Variants in SPAG16 observed in about 807,000 individuals in gnomAD.
The protein encoded by SPAG16 is sperm associated antigen 16, also known as sperm-associated antigen 16 protein.
Under a neutral mutation model 80.4 loss-of-function variants are expected in SPAG16, and 86 were observed. The observed-to-expected ratio is 1.07, with a 90% CI of 0.90 to 1.28. The LOEUF (loss-of-function observed/expected upper bound fraction) is 1.28. Ranked by LOEUF, SPAG16 falls within the 50% of genes most tolerant of loss-of-function variation. The pLI, the probability that SPAG16 is intolerant of heterozygous loss-of-function variation, is 0.00. For synonymous variants in SPAG16, 294 were observed against 265.9 expected, an observed-to-expected ratio of 1.11 and a Z score of -1.03; for missense variants, 870 against 765.3, an observed-to-expected ratio of 1.14 and a Z score of -1.61.
chr2:214,275,715 A>G (rs1374793036), intron 15 of SPAG16, among the ~76,000 whole-genome samples: 5 of 152,158 alleles, frequency 3.3e-5, no homozygotes, highest in South Asian at 2.1e-4. Flanking sequence ...ACTTCCAACT[A>G]TGTGGTCAGT....
chr2:214,351,055 G>C (rs975644535), intron 15 of SPAG16, among the ~76,000 whole-genome samples: 6 of 152,140 alleles, frequency 3.9e-5, no homozygotes, highest in Non-Finnish European at 5.9e-5. Flanking sequence ...AATTGGATCA[G>C]AGTGGAGATT....
chr2:214,101,276 A>T (rs1291949919), intron 13 of SPAG16, among the ~76,000 whole-genome samples: 1 of 151,960 alleles, frequency 6.6e-6, no homozygotes, highest in East Asian at 1.9e-4. Context: ...TGTTATGGTA[A>T]AAAACAACCT....
In SPAG16 at chr2:213,981,703, G is replaced by A. The variant is rs376848605; in HGVS notation, c.1401-32248G>A. Among the ~76,000 whole-genome samples, 10 of 151,950 alleles carry A rather than the reference G, an allele frequency of 6.6e-5. No homozygotes were observed. In the East Asian group the frequency reaches 9.7e-4, roughly 15 times the overall value. On this transcript the variant is annotated intron_variant, in intron 12 of 15. Coordinates refer to ENST00000331683, the MANE Select transcript of SPAG16 (RefSeq NM_024532.5). ...TTGGTTTTATATTAATGTGAAGAGC[G>A]CAACAAACCCATTATATATAATAGA...
intron 10 of SPAG16, among the ~76,000 whole-genome samples, chr2:213,680,843 T>C (rs1413490431): frequency 6.6e-6 from 1 of 152,130 alleles, no homozygotes; most frequent in Non-Finnish European, 1.5e-5. Context: ...AAGAAATACA[T>C]TGGTTTGGTT....
At chr2:213,348,288 G>T (rs530296992) in intron 6 of SPAG16, among the ~76,000 whole-genome samples, 4 of 152,172 alleles carry the variant, frequency 2.6e-5, no homozygotes, top group East Asian at 1.9e-4. Flanking sequence ...TGTGAGATGG[G>T]TTTCCTGAAT....
intron 12 of SPAG16, among the ~76,000 whole-genome samples, chr2:213,967,040 C>T (rs2044743552): frequency 6.6e-6 from 1 of 152,206 alleles, no homozygotes; most frequent in Non-Finnish European, 1.5e-5. Flanking sequence ...CAGACTGTAT[C>T]AACTTTTGAA....
At position 214,372,361 on chromosome 2, in the gene SPAG16, C is replaced by T. The variant is rs565828909; in HGVS notation, c.1721-37779C>T. Among the ~76,000 whole-genome samples, 5 of 152,276 alleles carry T rather than the reference C, an allele frequency of 3.3e-5. No homozygotes were observed. The East Asian group carries it at 5.8e-4, about 18-fold the overall frequency. On this transcript the variant is annotated intron_variant, in intron 15 of 15. Transcript: ENST00000331683. ...TCATGCCAGTGTAAGAAACAAGTCTCTATCATTTAAGCTGCAAATTTAAAC... is the reference window on the plus strand; with the variant it reads ...TCATGCCAGTGTAAGAAACAAGTCTTTATCATTTAAGCTGCAAATTTAAAC...
intron 9 of SPAG16, among the ~76,000 whole-genome samples, chr2:213,399,601 G>T (rs1002220444): frequency 6.6e-6 from 1 of 151,812 alleles, no homozygotes; most frequent in Non-Finnish European, 1.5e-5. Context: ...TCTAGTTTAT[G>T]AATAAAATTG....
chr2:213,302,721 G>T (rs949463678), intron 3 of SPAG16: 5 of 151,732 alleles, frequency 3.3e-5, no homozygotes, highest in East Asian at 1.9e-4. Flanking sequence ...ACATTTTATT[G>T]TACAGTATAA....
intron 10 of SPAG16, among the ~76,000 whole-genome samples, chr2:213,504,207 A>G (rs1355912339): frequency 6.6e-6 from 1 of 152,220 alleles, no homozygotes; most frequent in Non-Finnish European, 1.5e-5. Flanking sequence ...TTTCTTAAGC[A>G]AGAACATAAT....
chr2:213,566,407 T>C (rs775568244), intron 10 of SPAG16, among the ~76,000 whole-genome samples: 1 of 152,180 alleles, frequency 6.6e-6, no homozygotes, highest in Non-Finnish European at 1.5e-5. Context: ...GGTCAATTTG[T>C]TTCTCTCACC....
chr2:213,787,061 T>G lies in SPAG16; in HGVS notation c.1071-75424T>G, dbSNP rs140398502. Among the ~76,000 whole-genome samples, 998 of 152,200 alleles carry G rather than the reference T, an allele frequency of 6.6e-3. 3 individuals carry two copies. Among genetic ancestry groups the G allele is most frequent in the Middle Eastern group, 0.01 (3 of 294 alleles). On this transcript the variant is annotated intron_variant, in intron 10 of 15. Transcript: ENST00000331683. Reference sequence around the variant, plus strand: ...TCAATATTAAGTTTAATGTCTCATATCCAAGTCGAGTACTAGTAGTTAAAT... The same window carrying G: ...TCAATATTAAGTTTAATGTCTCATAGCCAAGTCGAGTACTAGTAGTTAAAT...
At chr2:213,720,731 C>T (rs1029929914) in intron 10 of SPAG16, among the ~76,000 whole-genome samples, 7 of 146,304 alleles carry the variant, frequency 4.8e-5, no homozygotes, top group Admixed American at 1.4e-4. Context: ...AGTGCCTGGC[C>T]GAAGTAAGTC....
At chr2:213,442,313 G>C (rs1042571290) in intron 9 of SPAG16, among the ~76,000 whole-genome samples, 2 of 152,166 alleles carry the variant, frequency 1.3e-5, no homozygotes, top group Admixed American at 6.5e-5. Flanking sequence ...TTCATAATTA[G>C]CAAGACTCAA....
intron 10 of SPAG16, among the ~76,000 whole-genome samples, chr2:213,582,258 C>G (rs1005001820): frequency 1.3e-5 from 2 of 152,040 alleles, no homozygotes; most frequent in Admixed American, 1.3e-4. Context: ...TTTCCCTATA[C>G]TGTGTCCTTC....
intron 15 of SPAG16, among the ~76,000 whole-genome samples, chr2:214,288,752 C>CTATTTATTTAT (rs1693568950): frequency 7.1e-6 from 1 of 141,468 alleles, no homozygotes; most frequent in Non-Finnish European, 1.5e-5. Context: ...CCTTTGCCCA[C>CTATTTATTTAT]TTATTTATTT....
intron 13 of SPAG16, among the ~76,000 whole-genome samples, chr2:214,096,506 T>A (rs1034289235): frequency 1.3e-5 from 2 of 152,076 alleles, no homozygotes; most frequent in African/African-American, 2.4e-5. Flanking sequence ...TATATTCCGA[T>A]ACACATATGT....
intron 10 of SPAG16, among the ~76,000 whole-genome samples, chr2:213,787,521 G>A (rs923888607): frequency 1.3e-5 from 2 of 152,090 alleles, no homozygotes; most frequent in Admixed American, 6.5e-5. Context: ...TGAGCTTGGA[G>A]ATAGGAAGGC....
chr2:213,948,897 G>A (rs992818514), intron 12 of SPAG16, among the ~76,000 whole-genome samples: 1 of 151,918 alleles, frequency 6.6e-6, no homozygotes, highest in African/African-American at 2.4e-5. Flanking sequence ...TTTTTTAAAA[G>A]GTATATTTCC....
Sources: gnomAD v4.1 joint callset for allele counts (sites outside exome capture counted in the v4.1 genomes callset) on GRCh38, gnomAD v4.1.1 for gene constraint, MANE v1.5 for transcripts, NCBI Gene and HGNC (gene_info 2026-07-23, HGNC 2026-07-21) for gene names.